The following CDH4 variants were observed in gnomAD, a reference collection of about 807,000 sequenced individuals.
The protein encoded by CDH4 is cadherin 4, also known as cadherin-4.
In CDH4, 33 loss-of-function variants were observed where a neutral mutation model predicts 86.0. The ratio of observed to expected loss-of-function variants is 0.38; its 90% CI spans 0.29 to 0.51. The LOEUF is 0.51. Among genes scored for constraint, CDH4 ranks in the 20% least tolerant of loss-of-function variants. The pLI is 0.86. For synonymous variants in CDH4, 555 were observed against 549.4 expected, an observed-to-expected ratio of 1.01 and a Z score of -0.14; for missense variants, 1,114 against 1,307.4, an observed-to-expected ratio of 0.85 and a Z score of 2.28.
chr20:61,361,339 T>C (rs751303752), intron 2 of CDH4, among the ~76,000 whole-genome samples: 31 of 152,118 alleles, frequency 2.0e-4, no homozygotes, highest in Non-Finnish European at 4.0e-4. Context: ...TTCTTAGCTT[T>C]CATGATCACA....
intron 2 of CDH4, among the ~76,000 whole-genome samples, chr20:61,484,857 A>T (rs1032509191): frequency 6.6e-6 from 1 of 152,210 alleles, no homozygotes. Context: ...CCTCAGGCTT[A>T]GCTACAATGA....
rs530198592 is a variant in CDH4 at position 61,259,964 on chromosome 20, T to C, written c.169+5027T>C. On this transcript the variant is annotated intron_variant, in intron 2 of 15. Coordinates refer to ENST00000614565, the MANE Select transcript of CDH4 (RefSeq NM_001794.5). Reference sequence around the variant, plus strand: ...GAGGGAAAGCAGCCATTTTGTGAGTTTGAGGATGGTGGAACACAAATTGGG... The same window carrying C: ...GAGGGAAAGCAGCCATTTTGTGAGTCTGAGGATGGTGGAACACAAATTGGG... Among the ~76,000 whole-genome samples, 7 of 152,244 alleles carry C rather than the reference T, an allele frequency of 4.6e-5. No individual in the cohort carries two copies. In the East Asian group the frequency reaches 1.4e-3, roughly 29 times the overall value.
chr20:61,645,812 G>T (rs2087055887), intron 2 of CDH4, among the ~76,000 whole-genome samples: 1 of 152,042 alleles, frequency 6.6e-6, no homozygotes, highest in Admixed American at 6.5e-5. Flanking sequence ...GAGGTAGTTT[G>T]CCCAAGATCA....
Position 61,777,776 on chromosome 20 carries a change from A to G in CDH4, c.576+4594A>G, listed in dbSNP as rs1306759487. Among the ~76,000 whole-genome samples, 5 of 148,144 alleles carry G rather than the reference A, an allele frequency of 3.4e-5. 1 individual carries two copies. The highest frequency in any genetic ancestry group is 6.7e-5 in the Admixed American group (1 of 14,924). ...CATGCGCACACACGTGCATACAAAA[A>G]CACACATCCACATGCGCACACACGT... On this transcript the variant is annotated intron_variant, in intron 4 of 15. Coordinates refer to ENST00000614565, the MANE Select transcript of CDH4 (RefSeq NM_001794.5).
At chr20:61,546,163 T>C (rs2086083731) in intron 2 of CDH4, among the ~76,000 whole-genome samples, 1 of 102,464 alleles carries the variant, frequency 9.8e-6, no homozygotes, top group Non-Finnish European at 1.9e-5. Flanking sequence ...CGTGAGGGTG[T>C]GTGCCTGTGT....
chr20:61,880,160 C>T (rs1013827496), intron 7 of CDH4, among the ~76,000 whole-genome samples: 2 of 152,114 alleles, frequency 1.3e-5, no homozygotes, highest in African/African-American at 2.4e-5. Context: ...AGAAAGTGTT[C>T]GTCGGTGACC....
chr20:61,476,968 C>T (rs565248956), intron 2 of CDH4, among the ~76,000 whole-genome samples: 2 of 152,206 alleles, frequency 1.3e-5, no homozygotes, highest in South Asian at 2.1e-4. Context: ...ACAGAAGCCC[C>T]GGGAGAGACA....
At chr20:61,596,689 C>T (rs1018290557) in intron 2 of CDH4, among the ~76,000 whole-genome samples, 1 of 152,140 alleles carries the variant, frequency 6.6e-6, no homozygotes, top group African/African-American at 2.4e-5. Flanking sequence ...CAGATGAGGT[C>T]CTGGAAATGC....
chr20:61,678,631 C>T (rs897734458), intron 2 of CDH4, among the ~76,000 whole-genome samples: 3 of 152,182 alleles, frequency 2.0e-5, no homozygotes, highest in African/African-American at 4.8e-5. Context: ...CTTCTCTCCT[C>T]GTCCTGGAGG....
At chr20:61,799,478 A>G (rs1979718193) in intron 4 of CDH4, among the ~76,000 whole-genome samples, 1 of 152,066 alleles carries the variant, frequency 6.6e-6, no homozygotes, top group Non-Finnish European at 1.5e-5. Context: ...ACCGTTAACC[A>G]TTGGCACCTG....
intron 3 of CDH4, 108 bp downstream of exon 3, chr20:61,743,897 C>T: frequency 4.8e-6 from 4 of 828,102 alleles, no homozygotes; most frequent in Non-Finnish European, 5.8e-6. Context: ...ACAGTCACCT[C>T]CTCCTCGGGC....
chr20:61,554,075 T>C lies in CDH4; in HGVS notation c.170-189488T>C, dbSNP rs567878468. On this transcript the variant is annotated intron_variant, in intron 2 of 15. Coordinates refer to ENST00000614565, the MANE Select transcript of CDH4 (RefSeq NM_001794.5). ...CAGGGGCAGGTTCTCCCCCACCCCA[T>C]TGGCCAGGACAGCCTGGCCTGGCTC... is the stretch of plus-strand genomic sequence containing the variant. 5.3e-5 allele frequency among the ~76,000 whole-genome samples: 8 copies of C among 152,320 alleles called. No individual in the cohort carries two copies. In the East Asian group the frequency reaches 7.7e-4, roughly 15 times the overall value.
chr20:61,917,220 G>A (rs760660025), intron 9 of CDH4, among the ~76,000 whole-genome samples: 67 of 152,198 alleles, frequency 4.4e-4, no homozygotes, highest in Non-Finnish European at 8.4e-4. Context: ...GGCTCTACCT[G>A]AGGTGGGCAC....
At chr20:61,284,632 A>G (rs2084283299) in intron 2 of CDH4, among the ~76,000 whole-genome samples, 1 of 152,214 alleles carries the variant, frequency 6.6e-6, no homozygotes, top group African/African-American at 2.4e-5. Context: ...TGTGCGCCGG[A>G]CAGAGGTGCT....
chr20:61,498,218 A>G (rs1453401970), intron 2 of CDH4, among the ~76,000 whole-genome samples: 3 of 152,162 alleles, frequency 2.0e-5, no homozygotes, highest in Admixed American at 6.5e-5. Flanking sequence ...ATAAAAAAAA[A>G]AGGCCACAGC....
At chr20:61,437,868 G>A (rs1022668711) in intron 2 of CDH4, among the ~76,000 whole-genome samples, 1 of 152,188 alleles carries the variant, frequency 6.6e-6, no homozygotes, top group Admixed American at 6.5e-5. Flanking sequence ...ACATTCTGAT[G>A]ATGCCAGAAA....
In CDH4 at chr20:61,649,328, G is replaced by A. The variant is rs145802856; in HGVS notation, c.170-94235G>A. Among the ~76,000 whole-genome samples, 358 of 152,370 alleles carry A rather than the reference G, an allele frequency of 2.3e-3. 2 individuals carry two copies. The highest frequency in any genetic ancestry group is 8.3e-3 in the African/African-American group (344 of 41,580). ...CACGTCTGGCAGAGAGTTCAAAGAG[G>A]CGTGCTGGGCTCCGCTGCCTGGGGC... is the stretch of plus-strand genomic sequence containing the variant. On this transcript the variant is annotated intron_variant, in intron 2 of 15. Coordinates refer to ENST00000614565, the MANE Select transcript of CDH4 (RefSeq NM_001794.5).
At chr20:61,597,594 C>T (rs146261725) in intron 2 of CDH4, among the ~76,000 whole-genome samples, 27 of 152,220 alleles carry the variant, frequency 1.8e-4, no homozygotes, top group South Asian at 8.3e-4. Flanking sequence ...ATGGACCGGG[C>T]GAAGCAGGCA....
intron 2 of CDH4, among the ~76,000 whole-genome samples, chr20:61,367,842 G>T (rs2084819189): frequency 1.3e-5 from 2 of 150,056 alleles, no homozygotes; most frequent in Non-Finnish European, 3.0e-5. Context: ...ATTGTACATT[G>T]CCTGGAAATG....
Sources: gnomAD v4.1 joint callset for allele counts (sites outside exome capture counted in the v4.1 genomes callset) on GRCh38, gnomAD v4.1.1 for gene constraint, MANE v1.5 for transcripts, NCBI Gene and HGNC (gene_info 2026-07-23, HGNC 2026-07-21) for gene names.